The following CARD10 variants were observed in gnomAD, a reference collection of about 807,000 sequenced individuals.
CARD10 encodes the protein caspase recruitment domain family member 10.
Under a neutral mutation model 114.6 loss-of-function variants are expected in CARD10, and 49 were observed. That is an observed-to-expected ratio of 0.43 (90% confidence interval 0.34 to 0.54). The LOEUF (loss-of-function observed/expected upper bound fraction) is 0.54. Ranked by LOEUF, CARD10 falls within the 20% of genes least tolerant of loss-of-function variation. CARD10 has a pLI of 0.03. For missense variants in CARD10, 1,206 were observed against 1,397.2 expected (o/e 0.86, Z 2.18); for synonymous variants, 602 against 593.2 (o/e 1.01, Z -0.21).
chr22:37,518,235 G>A, intron 1 of CARD10, 127 bp from the exon 2 acceptor site: 1 of 848,772 alleles, frequency 1.2e-6, no homozygotes, highest in East Asian at 2.6e-5. Context: ...CACACACAGG[G>A]GCCTGTCCCA....
rs1039005280 is a variant in CARD10 at position 37,508,383 on chromosome 22, G to A, written c.1065+144C>T. Reference sequence around the variant, plus strand: ...CTGCGGCATCTCAAGCGCCTAGAAGGGTGCCTCCGTCAACATCTGAGAACA... The same window carrying A: ...CTGCGGCATCTCAAGCGCCTAGAAGAGTGCCTCCGTCAACATCTGAGAACA... On this transcript the variant is annotated intron_variant, in intron 5 of 19. Coordinates refer to ENST00000251973, the MANE Select transcript of CARD10 (RefSeq NM_014550.4). The A allele has an allele frequency of 1.0e-5, 10 of 961,300 alleles. No homozygotes were observed. In the African/African-American group the frequency reaches 1.5e-4, roughly 14 times the overall value. The allele number at this position is 961,300 out of a possible 1,614,324, so 59.5% of individuals were successfully genotyped here. A position where few individuals can be genotyped will look rare whatever the true frequency, so the allele number is the denominator to read the frequency against.
At chr22:37,505,438 G>C (rs1923371791) in intron 7 of CARD10, among the ~76,000 whole-genome samples, 1 of 152,090 alleles carries the variant, frequency 6.6e-6, no homozygotes, top group African/African-American at 2.4e-5. Flanking sequence ...GGGAGGCTGA[G>C]GCAGGAGGAT....
intron 1 of CARD10, 139 bp downstream of exon 1, chr22:37,518,826 TA>T (rs1923929734): frequency 9.5e-7 from 1 of 1,054,774 alleles, no homozygotes; most frequent in Admixed American, 3.0e-5. Flanking sequence ...CTGGTGGGCA[TA>T]CCCAGCCGGC....
rs1268887776 is a variant in CARD10 at position 37,508,682 on chromosome 22, C to T, written c.910G>A (p.Glu304Lys). 6.4e-7 allele frequency: 1 copy of T among 1,556,200 alleles called. No individual in the cohort carries two copies. The highest frequency in any genetic ancestry group is 8.7e-7 in the Non-Finnish European group (1 of 1,155,458). ...LRELQEGLQQ[E>K]ASRPGAPGSE... is the part of the protein sequence containing the mutation. ...CCCGGGGCCCCCGGCCGGCTCGCCT[C>T]CTGGGGATCACAGGGCAGGGCCACC... Residue 304 changes from glutamate to lysine, a missense_variant and splice_region_variant, in exon 5 of 20, where the codon GAG (glutamate) becomes AAG (lysine). This residue lies in a region of CARD10 where 1,068 missense variants were observed against 1,179.1 expected (regional missense o/e 0.91). Coordinates refer to ENST00000251973, the MANE Select transcript of CARD10 (RefSeq NM_014550.4).
intron 6 of CARD10, 133 bp downstream of exon 6, chr22:37,507,696 T>G (rs1923459572): frequency 1.8e-6 from 2 of 1,119,348 alleles, no homozygotes; most frequent in Non-Finnish European, 2.6e-6. Flanking sequence ...CCAGCCTTTG[T>G]GCCCCGTCCT....
At position 37,511,651 on chromosome 22, in the gene CARD10, T is replaced by G. The variant is rs545726624; in HGVS notation, c.700-1230A>C. Among the ~76,000 whole-genome samples, 83 of 128,728 alleles carry G rather than the reference T, an allele frequency of 6.4e-4. No individual in the cohort carries two copies. In the East Asian group the frequency reaches 0.014, roughly 21 times the overall value. 84.5% of individuals were successfully genotyped at this position (128,728 alleles called of 152,430 possible). A position where few individuals can be genotyped will look rare whatever the true frequency, so the allele number is the denominator to read the frequency against. On this transcript the variant is annotated intron_variant, in intron 3 of 19. Coordinates refer to ENST00000251973, the MANE Select transcript of CARD10 (RefSeq NM_014550.4). ...AATCATCTCATCTGTACGGGGGGGG[T>G]GTGAGGGGAGAGGAGAGGGCAATGG...
chr22:37,502,167 G>T (rs116940982), intron 11 of CARD10, among the ~76,000 whole-genome samples: 2 of 152,178 alleles, frequency 1.3e-5, no homozygotes, highest in African/African-American at 4.8e-5. Context: ...GGTGACCCAA[G>T]CCCACCCACA....
At chr22:37,494,286 C>G in intron 15 of CARD10, 98 bp from the exon 16 acceptor site, 1 of 775,320 alleles carries the variant, frequency 1.3e-6, no homozygotes, top group Non-Finnish European at 2.1e-6. Flanking sequence ...GCCCCACTGC[C>G]ACTGTGGTCC....
chr22:37,491,465 A>G (rs1922773249), intron 19 of CARD10, 72 bp from the exon 20 acceptor site: 1 of 1,118,040 alleles, frequency 8.9e-7, no homozygotes, highest in Non-Finnish European at 1.2e-6. Context: ...AGAGAGGGAC[A>G]GACAAAGGGG....
At chr22:37,506,672 T>C (rs1923421474) in intron 6 of CARD10, among the ~76,000 whole-genome samples, 1 of 152,154 alleles carries the variant, frequency 6.6e-6, no homozygotes, top group African/African-American at 2.4e-5. Context: ...ATCCAGGCTC[T>C]CACCATTTCA....
chr22:37,503,347 G>A, intron 9 of CARD10, 134 bp from the exon 10 acceptor site: 1 of 874,680 alleles, frequency 1.1e-6, no homozygotes, highest in Non-Finnish European at 1.7e-6. Context: ...CTCAAGGCAG[G>A]GTCCCAGGTA....
At chr22:37,506,145 G>C in intron 7 of CARD10, 47 bp downstream of exon 7, 1 of 1,402,892 alleles carries the variant, frequency 7.1e-7, no homozygotes, top group Non-Finnish European at 9.4e-7. Context: ...GCTCCTGCCA[G>C]GACCCCAGCC....
intron 1 of CARD10, among the ~76,000 whole-genome samples, chr22:37,518,625 C>T (rs8142629): frequency 0.051 from 7,761 of 152,246 alleles, 676 homozygotes; most frequent in African/African-American, 0.18. Context: ...GATCAAAGAG[C>T]GCAGGAAAGG....
rs1414075415 is a variant in CARD10, at chr22:37,507,912, G to A, written c.1108C>T (p.Leu370=). Residue 370 remains leucine, a synonymous_variant, in exon 6 of 20, where the codon CTG becomes TTG. Coordinates refer to ENST00000251973, the MANE Select transcript of CARD10 (RefSeq NM_014550.4). Reference sequence around the variant, plus strand: ...TTGTACAGGTCACAGTCCTTCTGCAGCGTGCGGTGCTTGAGCCGCAGGTCT... The same window carrying A: ...TTGTACAGGTCACAGTCCTTCTGCAACGTGCGGTGCTTGAGCCGCAGGTCT... ...MEDLRLKHRT[L]QKDCDLYKHR... 1 of 1,614,196 alleles carries A rather than the reference G, an allele frequency of 6.2e-7. No individual in the cohort carries two copies. Among genetic ancestry groups the A allele is most frequent in the African/African-American group, 1.3e-5 (1 of 75,066 alleles).
At chr22:37,497,798 G>T (rs1452240789) in intron 11 of CARD10, among the ~76,000 whole-genome samples, 1 of 150,990 alleles carries the variant, frequency 6.6e-6, no homozygotes, top group Non-Finnish European at 1.5e-5. Flanking sequence ...AGGTTGCAGT[G>T]AGCCGAGATC....
rs778911800 is a variant in CARD10, at chr22:37,508,534, C to CGCA, written c.1055_1057dup (p.Leu352dup). On this transcript the variant is annotated inframe_insertion, in exon 5 of 20. Transcript: ENST00000251973. ...GCACGGGCAGGGCCCCACCTGGTCG[C>CGCA]GCAGCTCCTCGGCCCACTGCAGCTC... is the stretch of plus-strand genomic sequence containing the variant. 1 of 1,592,870 alleles carries CGCA rather than the reference C, an allele frequency of 6.3e-7. No homozygotes were observed. The highest frequency in any genetic ancestry group is 8.5e-7 in the Non-Finnish European group (1 of 1,176,264).
At chr22:37,518,165 T>C in intron 1 of CARD10, 57 bp from the exon 2 acceptor site, 1 of 1,568,414 alleles carries the variant, frequency 6.4e-7, no homozygotes, top group Admixed American at 1.7e-5. Flanking sequence ...CCCAGGTGCC[T>C]GGTTGCTTCT....
chr22:37,505,148 G>A (rs1923360746), intron 7 of CARD10, among the ~76,000 whole-genome samples: 1 of 152,080 alleles, frequency 6.6e-6, no homozygotes, highest in Non-Finnish European at 1.5e-5. Context: ...GGACTGTGAT[G>A]CATTCCAGTT....
intron 1 of CARD10, 100 bp downstream of exon 1, chr22:37,518,866 C>T (rs1270169922): frequency 1.5e-6 from 2 of 1,366,024 alleles, no homozygotes; most frequent in African/African-American, 3.0e-5. Flanking sequence ...GACCGAGCCC[C>T]AGGGCAGCAG....
Sources: gnomAD v4.1 joint callset for allele counts (sites outside exome capture counted in the v4.1 genomes callset) on GRCh38, gnomAD v4.1.1 for gene constraint, gnomAD v4.1.1 regional missense constraint, MANE v1.5 for transcripts, NCBI Gene and HGNC (gene_info 2026-07-23, HGNC 2026-07-21) for gene names.